The following BTBD9 variants were observed in gnomAD, a reference collection of about 807,000 sequenced individuals.
BTBD9 encodes BTB domain containing 9, also known as BTB/POZ domain-containing protein 9.
BTBD9 carries 49 observed loss-of-function variants against 64.3 expected under a neutral mutation model. That is an observed-to-expected ratio of 0.76 (90% CI 0.61 to 0.97). BTBD9 has a LOEUF of 0.97. BTBD9 is among the 50% of genes least tolerant of loss of function. The pLI, the probability that BTBD9 is intolerant of heterozygous loss-of-function variation, is 0.00. For missense variants in BTBD9, 598 were observed against 762.1 expected, an observed-to-expected ratio of 0.78 and a Z score of 2.53; for synonymous variants, 260 against 274.7, an observed-to-expected ratio of 0.95 and a Z score of 0.53.
At chr6:38,384,578 T>C (rs1366045919) in intron 6 of BTBD9, among the ~76,000 whole-genome samples, 4 of 152,158 alleles carry the variant, frequency 2.6e-5, no homozygotes, top group Non-Finnish European at 5.9e-5. Flanking sequence ...TATTAGAAGG[T>C]CTTCACAACT....
At chr6:38,281,219 T>C (rs975522526) in intron 8 of BTBD9, among the ~76,000 whole-genome samples, 3 of 152,138 alleles carry the variant, frequency 2.0e-5, no homozygotes, top group African/African-American at 7.2e-5. Flanking sequence ...GGGAAGTGCA[T>C]GAGCAACAGT....
At chr6:38,203,859 G>A (rs1017163654) in intron 9 of BTBD9, among the ~76,000 whole-genome samples, 1 of 152,068 alleles carries the variant, frequency 6.6e-6, no homozygotes. Context: ...GGTGACTATA[G>A]TTAGCAACAA....
At chr6:38,518,686 G>A (rs1438010509) in intron 6 of BTBD9, among the ~76,000 whole-genome samples, 3 of 152,124 alleles carry the variant, frequency 2.0e-5, no homozygotes, top group Non-Finnish European at 4.4e-5. Flanking sequence ...TCTATATAAG[G>A]ACATGTATAA....
intron 9 of BTBD9, chr6:38,207,228 C>A: frequency 9.9e-6 from 2 of 201,238 alleles, no homozygotes; most frequent in South Asian, 6.2e-5. Flanking sequence ...GGAGGAAATG[C>A]AAGAGATCTC....
chr6:38,522,464 T>G (rs1455807126), intron 6 of BTBD9, among the ~76,000 whole-genome samples: 1 of 152,270 alleles, frequency 6.6e-6, no homozygotes, highest in East Asian at 1.9e-4. Context: ...TTCTGCAGCC[T>G]CTGACATCAC....
At chr6:38,458,073 CATGATGG>C (rs910268216) in intron 6 of BTBD9, among the ~76,000 whole-genome samples, 2 of 152,116 alleles carry the variant, frequency 1.3e-5, no homozygotes, top group Non-Finnish European at 2.9e-5. Flanking sequence ...TTGCCATATC[CATGATGG>C]GCAACTAGTC....
intron 8 of BTBD9, among the ~76,000 whole-genome samples, chr6:38,286,808 G>A (rs977240133): frequency 7.2e-5 from 11 of 152,042 alleles, no homozygotes; most frequent in Admixed American, 1.3e-4. Flanking sequence ...TTGGCTGGGC[G>A]CCATGGCTCA....
intron 9 of BTBD9, among the ~76,000 whole-genome samples, chr6:38,235,078 T>A (rs1763732454): frequency 6.6e-6 from 1 of 152,246 alleles, no homozygotes; most frequent in Non-Finnish European, 1.5e-5. Context: ...CAGTAACTGC[T>A]AAACCACAGG....
At chr6:38,312,256 T>G (rs770218051) in intron 7 of BTBD9, among the ~76,000 whole-genome samples, 48 of 152,234 alleles carry the variant, frequency 3.2e-4, no homozygotes, top group Non-Finnish European at 5.9e-4. Context: ...ATCGGATTAT[T>G]TGATTGTTTT....
rs1291994408 is a variant in BTBD9, at chr6:38,184,159, G to A, written c.1641+8360C>T. Among the ~76,000 whole-genome samples the A allele has an allele frequency of 6.6e-6, 1 of 152,170 alleles. No homozygotes were observed. Among genetic ancestry groups the A allele is most frequent in the African/African-American group, 2.4e-5 (1 of 41,430 alleles). ...GCTTACCCATCCTCTGTGGATGGAC[G>A]CTCGTGGTATCCCGTTGGGTTCAGG... is the stretch of plus-strand genomic sequence containing the variant. On this transcript the variant is annotated intron_variant, in intron 10 of 10. Transcript: ENST00000481247. The surrounding 1 kb of genome is among the most constrained non-coding windows in gnomAD (Gnocchi z 4.4).
intron 6 of BTBD9, among the ~76,000 whole-genome samples, chr6:38,423,205 C>T (rs1767984359): frequency 6.6e-6 from 1 of 152,090 alleles, no homozygotes; most frequent in South Asian, 2.1e-4. Context: ...GTGGAGGCTG[C>T]AGTGAGTCAA....
chr6:38,463,093 G>A (rs978042822), intron 6 of BTBD9, among the ~76,000 whole-genome samples: 1 of 152,138 alleles, frequency 6.6e-6, no homozygotes, highest in Non-Finnish European at 1.5e-5. Flanking sequence ...GATGCGCCTG[G>A]CCTTGCACAT....
rs147278210 is a variant in BTBD9, at chr6:38,454,287, C to A, written c.1155-109194G>T. Among the ~76,000 whole-genome samples the A allele has an allele frequency of 6.6e-3, 1,000 of 151,916 alleles. 2 individuals carry two copies. Among genetic ancestry groups the A allele is most frequent in the Non-Finnish European group, 9.9e-3 (670 of 67,966 alleles). On this transcript the variant is annotated intron_variant, in intron 6 of 10. Transcript: ENST00000481247. Reference sequence around the variant, plus strand: ...AACGGGGGAAATATATTATTATACACCTTATTAGTTGAATTATTTTTGAGG... The same window carrying A: ...AACGGGGGAAATATATTATTATACAACTTATTAGTTGAATTATTTTTGAGG...
At chr6:38,176,790 A>G (rs901770468) in intron 10 of BTBD9, among the ~76,000 whole-genome samples, 1 of 152,090 alleles carries the variant, frequency 6.6e-6, no homozygotes, top group African/African-American at 2.4e-5. Context: ...CAGCTTCACA[A>G]TCTTGCAGCT....
chr6:38,294,701 A>G (rs1762094958), intron 7 of BTBD9, among the ~76,000 whole-genome samples: 1 of 152,146 alleles, frequency 6.6e-6, no homozygotes, highest in African/African-American at 2.4e-5. Flanking sequence ...TACCTAATGT[A>G]GATGATGGGT....
chr6:38,523,054 G>A (rs1160459296), intron 6 of BTBD9, among the ~76,000 whole-genome samples: 2 of 152,022 alleles, frequency 1.3e-5, no homozygotes, highest in South Asian at 2.1e-4. Flanking sequence ...GTGGTGGCAC[G>A]TGCCTGTAAT....
intron 8 of BTBD9, among the ~76,000 whole-genome samples, chr6:38,260,196 C>G (rs927352499): frequency 6.6e-6 from 1 of 152,080 alleles, no homozygotes; most frequent in East Asian, 1.9e-4. Context: ...GGCATATGTT[C>G]CATATATGTT....
At chr6:38,349,073 A>G (rs948626124) in intron 6 of BTBD9, among the ~76,000 whole-genome samples, 2 of 151,884 alleles carry the variant, frequency 1.3e-5, no homozygotes, top group African/African-American at 4.8e-5. Context: ...ATGCCTAGCA[A>G]ATTTTTTTGT....
intron 6 of BTBD9, among the ~76,000 whole-genome samples, chr6:38,359,978 CCTAT>C (rs1764886109): frequency 6.6e-6 from 1 of 151,732 alleles, no homozygotes; most frequent in African/African-American, 2.4e-5. Flanking sequence ...TATACAAGAT[CCTAT>C]CTTTTTAAAA....
Sources: gnomAD v4.1 joint callset for allele counts (sites outside exome capture counted in the v4.1 genomes callset) on GRCh38, gnomAD v4.1.1 for gene constraint, Gnocchi (gnomAD v3.1) non-coding constraint, MANE v1.5 for transcripts, NCBI Gene and HGNC (gene_info 2026-07-23, HGNC 2026-07-21) for gene names.